ZNF514: variants seen among roughly 807,000 people sequenced by gnomAD.
ZNF514 encodes zinc finger protein 514.
In ZNF514, 12 loss-of-function variants were observed where a neutral mutation model predicts 9.7. That is an observed-to-expected ratio of 1.24 (90% CI 0.79 to 2.01). ZNF514 has a LOEUF of 2.01. Among genes scored for constraint, ZNF514 ranks in the 30% most tolerant of loss-of-function variants. The pLI is 0.00. For missense variants in ZNF514, 467 were observed against 465.5 expected (o/e 1.00, Z -0.03); for synonymous variants, 158 against 163.7 (o/e 0.97, Z 0.27).
chr2:95,159,547 G>T lies in ZNF514; in HGVS notation c.-403C>A, dbSNP rs1673790936. ...GGGCCGGGGCGCGGGCCCAGTACAG[G>T]TCTGCGCGCCCGCAGTCTCCGAACG... On this transcript the variant is annotated 5_prime_UTR_variant, in exon 1 of 5. Transcript: ENST00000295208. 1 of 152,286 alleles carries T rather than the reference G, an allele frequency of 6.6e-6. No individual in the cohort carries two copies. The highest frequency in any genetic ancestry group is 1.8e-4 in the South Asian group (1 of 5,536). 9.4% of individuals were successfully genotyped at this position (152,286 alleles called of 1,614,324 possible). A position where few individuals can be genotyped will look rare whatever the true frequency, so the allele number is the denominator to read the frequency against.
chr2:95,152,230 T>C (rs1181029631), intron 4 of ZNF514, among the ~76,000 whole-genome samples: 1 of 152,218 alleles, frequency 6.6e-6, no homozygotes, highest in Non-Finnish European at 1.5e-5. Context: ...CTCACCTTAA[T>C]CAAGCTTGAA....
chr2:95,153,387 A>T, intron 2 of ZNF514, 128 bp from the exon 3 acceptor site: 2 of 855,444 alleles, frequency 2.3e-6, no homozygotes, highest in Non-Finnish European at 3.3e-6. Context: ...GGTAAATGTA[A>T]TACATTTCCT....
chr2:95,125,260 G>A, the ZNF514 span, among the ~76,000 whole-genome samples: 40 of 122,780 alleles, frequency 3.3e-4, no homozygotes, highest in Non-Finnish European at 5.0e-4. Context: ...ACGGAGTCTC[G>A]CGTCGCGTCT....
chr2:95,151,594 ACT>A (rs922619661), intron 4 of ZNF514, among the ~76,000 whole-genome samples: 3 of 152,196 alleles, frequency 2.0e-5, no homozygotes, highest in African/African-American at 7.2e-5. Context: ...AGTTTGTGCT[ACT>A]CTGTTTCAGC....
At position 95,152,768 on chromosome 2, in the gene ZNF514, G is replaced by A. The variant is rs778659197; in HGVS notation, c.123C>T (p.Gly41=). 8 of 1,613,766 alleles carry A rather than the reference G, an allele frequency of 5.0e-6. No homozygotes were observed. The highest frequency in any genetic ancestry group is 5.9e-6 in the Non-Finnish European group (7 of 1,179,812). ...LENFRNLAIL[G]LLVSKPYVIC... ...TCACATATGGTTTGGATACTAGAAG[G>A]CCTGATGGTAGAGAAGGAAAAGGAT... The change falls in exon 4 of 5, where the codon GGC becomes GGT. Residue 41 remains glycine, a splice_region_variant and synonymous_variant. Transcript: ENST00000295208.
chr2:95,156,549 G>C (rs1673692019), intron 2 of ZNF514, among the ~76,000 whole-genome samples: 3 of 151,960 alleles, frequency 2.0e-5, no homozygotes. Flanking sequence ...CCACACTTTG[G>C]TTACCATTCT....
chr2:95,135,410 G>C, the ZNF514 span, among the ~76,000 whole-genome samples: 1 of 143,474 alleles, frequency 7.0e-6, no homozygotes, highest in Non-Finnish European at 1.5e-5. Flanking sequence ...TCTTTCCTTC[G>C]TTCTTTCTTT....
intron 4 of ZNF514, among the ~76,000 whole-genome samples, 174 bp from the exon 5 acceptor site, chr2:95,150,441 T>C (rs550793668): frequency 6.6e-6 from 1 of 152,278 alleles, no homozygotes; most frequent in South Asian, 2.1e-4. Context: ...TTTTGGAGTA[T>C]CAAGAATGAG....
the ZNF514 span, among the ~76,000 whole-genome samples, chr2:95,125,343 C>T: frequency 6.6e-6 from 1 of 151,356 alleles, no homozygotes; most frequent in Non-Finnish European, 1.5e-5. Flanking sequence ...TGGGTTCAAG[C>T]GATTCTCCTG....
At chr2:95,156,544 CTT>C (rs1159765838) in intron 2 of ZNF514, among the ~76,000 whole-genome samples, 1 of 152,188 alleles carries the variant, frequency 6.6e-6, no homozygotes, top group African/African-American at 2.4e-5. Context: ...CCTCTCCACA[CTT>C]TGGTTACCAT....
chr2:95,137,709 T>A, the ZNF514 span, among the ~76,000 whole-genome samples: 1 of 152,224 alleles, frequency 6.6e-6, no homozygotes, highest in Non-Finnish European at 1.5e-5. Flanking sequence ...TTCTGAAAAT[T>A]TGCAGTCCTT....
downstream of ZNF514, among the ~76,000 whole-genome samples, chr2:95,143,861 CTTAG>C (rs756594213): frequency 5.3e-5 from 8 of 152,170 alleles, no homozygotes; most frequent in Admixed American, 2.0e-4. Flanking sequence ...GCCTTGTACT[CTTAG>C]TTAAATAAAT....
At chr2:95,138,219 G>A in the ZNF514 span, among the ~76,000 whole-genome samples, 1 of 152,220 alleles carries the variant, frequency 6.6e-6, no homozygotes, top group African/African-American at 2.4e-5. Context: ...GTGGGACATT[G>A]CTATAAAGAT....
Position 95,149,583 on chromosome 2 carries a change from G to A in ZNF514, c.902C>T (p.Ser301Leu), listed in dbSNP as rs772116336. The A allele has an allele frequency of 2.5e-6, 4 of 1,614,080 alleles. No individual in the cohort carries two copies. The South Asian group carries it at 4.4e-5, about 18-fold the overall frequency. The part of the protein sequence containing the change: ...NECGRAFGHT[S>L]SLIKHQRTHT... ...AGTCCTCTGATGCTTAATAAGGGAT[G>A]AAGTGTGACCAAAGGCTCGTCCACA... The change falls in exon 5 of 5, where the codon TCA (serine) becomes TTA (leucine). Residue 301 changes from serine (S) to leucine (L), a missense_variant. Ser to Leu is a moderately radical substitution (Grantham distance 145, BLOSUM62 -2). Transcript: ENST00000295208.
In ZNF514 at chr2:95,159,665, C is replaced by CCGCCCCG. The variant is rs1673800997; in HGVS notation, c.-522_-521insCGGGGCG. 1 of 42,716 alleles carries CCGCCCCG rather than the reference C, an allele frequency of 2.3e-5. No individual in the cohort carries two copies. Among genetic ancestry groups the CCGCCCCG allele is most frequent in the African/African-American group, 1.2e-4 (1 of 8,692 alleles). 2.6% of individuals were successfully genotyped at this position (42,716 alleles called of 1,614,324 possible). ...CCCGCCACCCCGCGCCAGCCCCCGC[C>CCGCCCCG]CGCCACCCCGCGCCAGCCCCCGCGT... On this transcript the variant is annotated 5_prime_UTR_variant, in exon 1 of 5. Coordinates refer to ENST00000295208, the MANE Select transcript of ZNF514 (RefSeq NM_032788.3).
rs564817596 is a variant in ZNF514 at position 95,146,279 on chromosome 2, C to T, written c.*3003G>A. Among the ~76,000 whole-genome samples, 20 of 152,226 alleles carry T rather than the reference C, an allele frequency of 1.3e-4. No homozygotes were observed. The highest frequency in any genetic ancestry group is 3.4e-4 in the African/African-American group (14 of 41,538). On this transcript the variant is annotated 3_prime_UTR_variant, in exon 5 of 5. Coordinates refer to ENST00000295208, the MANE Select transcript of ZNF514 (RefSeq NM_032788.3). ...ATTTAAATAGATCAAGACAGTGATA[C>T]GATTTACCACAAGTCTAGATATTGT...
At chr2:95,137,272 C>G in the ZNF514 span, among the ~76,000 whole-genome samples, 1 of 152,124 alleles carries the variant, frequency 6.6e-6, no homozygotes, top group African/African-American at 2.4e-5. Flanking sequence ...TCAAAAATAT[C>G]AACATTAAGG....
chr2:95,143,859 C>T (rs2874316), downstream of ZNF514, among the ~76,000 whole-genome samples: 4,552 of 152,264 alleles, frequency 0.03, 93 homozygotes, highest in Non-Finnish European at 0.049. Flanking sequence ...CAGCCTTGTA[C>T]TCTTAGTTAA....
chr2:95,144,634 T>G (rs1376225323), downstream of ZNF514, among the ~76,000 whole-genome samples: 1 of 152,206 alleles, frequency 6.6e-6, no homozygotes, highest in Non-Finnish European at 1.5e-5. Flanking sequence ...TGTGTCCTTT[T>G]TCTATAATTG....
Sources: gnomAD v4.1 joint callset for allele counts (sites outside exome capture counted in the v4.1 genomes callset) on GRCh38, gnomAD v4.1.1 for gene constraint, MANE v1.5 for transcripts, NCBI Gene and HGNC (gene_info 2026-07-23, HGNC 2026-07-21) for gene names.